Variants in NIPBL observed in about 807,000 individuals in gnomAD.
NIPBL encodes the protein nipped-B-like protein.
NIPBL carries 19 observed loss-of-function variants against 321.8 expected under a neutral mutation model. The ratio of observed to expected loss-of-function variants is 0.06; its 90% CI spans 0.04 to 0.09. The LOEUF is 0.09. NIPBL is among the 10% of genes least tolerant of loss of function. The pLI is 1.00. For synonymous variants in NIPBL, 1,106 were observed against 1,114.1 expected, an observed-to-expected ratio of 0.99 and a Z score of 0.14; for missense variants, 2,210 against 3,327.0, an observed-to-expected ratio of 0.66 and a Z score of 8.26.
Position 37,049,107 on chromosome 5 carries a change from G to A in NIPBL, c.6764-4G>A, listed in dbSNP as rs757590127. ...GTGTGTTTATCCTTTGCTTGCTTTTGTAGGGAAGAAAGTTGCAAAACAGGA... is the reference window on the plus strand; with the variant it reads ...GTGTGTTTATCCTTTGCTTGCTTTTATAGGGAAGAAAGTTGCAAAACAGGA... On this transcript the variant is annotated splice_region_variant and splice_polypyrimidine_tract_variant and intron_variant, in intron 39 of 46. Coordinates refer to ENST00000282516, the MANE Select transcript of NIPBL (RefSeq NM_133433.4). 1 of 1,613,956 alleles carries A rather than the reference G, an allele frequency of 6.2e-7. No individual in the cohort carries two copies. Among genetic ancestry groups the A allele is most frequent in the Non-Finnish European group, 8.5e-7 (1 of 1,179,882 alleles).
At position 37,017,149 on chromosome 5, in the gene NIPBL, G is replaced by A. The variant is rs886042731; in HGVS notation, c.4907G>A (p.Arg1636His). Residue 1636 changes from arginine (R) to histidine (H), a missense_variant, in exon 24 of 47, where the codon CGC becomes CAC. Physicochemically the swap from Arg to His is conservative, Grantham distance 29. Around this residue, in one of 14 missense-constraint regions of NIPBL, gnomAD observed 138 missense variants for 175.8 expected, o/e 0.79. Coordinates refer to ENST00000282516, the MANE Select transcript of NIPBL (RefSeq NM_133433.4). ...TSKMDQGSIE[R>H]ILKQVSGGED... Reference sequence around the variant, plus strand: ...AAAATGGATCAAGGATCTATAGAACGCATTTTAAAACAGGTACTAAGATAA... The same window carrying A: ...AAAATGGATCAAGGATCTATAGAACACATTTTAAAACAGGTACTAAGATAA... The A allele has an allele frequency of 1.9e-6, 3 of 1,610,412 alleles. No individual in the cohort carries two copies. The highest frequency in any genetic ancestry group is 2.5e-6 in the Non-Finnish European group (3 of 1,177,226).
intron 34 of NIPBL, among the ~76,000 whole-genome samples, 168 bp downstream of exon 34, chr5:37,038,906 A>C (rs111738369): frequency 1.5e-4 from 23 of 152,284 alleles, no homozygotes; most frequent in African/African-American, 5.5e-4. Flanking sequence ...GTCTGACATA[A>C]ATAAAGTTCA....
intron 1 of NIPBL, among the ~76,000 whole-genome samples, chr5:36,920,716 G>C (rs555528331): frequency 6.6e-6 from 1 of 151,974 alleles, no homozygotes; most frequent in African/African-American, 2.4e-5. Context: ...GTGATCACCC[G>C]CCACTAAGTA....
At chr5:36,895,354 CT>C (rs1156852823) in intron 1 of NIPBL, among the ~76,000 whole-genome samples, 2 of 152,176 alleles carry the variant, frequency 1.3e-5, no homozygotes, top group Admixed American at 1.3e-4. Context: ...CCACATTTTA[CT>C]TTTGCTTTGT....
Position 36,985,174 on chromosome 5 carries a change from A to G in NIPBL, c.1994A>G (p.Glu665Gly). ...ESRTTECKQNESTIVEPKQNE... is the reference protein window; with the variant it reads ...ESRTTECKQNGSTIVEPKQNE... ...AGAACAACTGAATGCAAACAAAACG[A>G]GAGCACCATAGTTGAGCCTAAACAA... Residue 665 changes from glutamate (E) to glycine (G), a missense_variant, in exon 10 of 47, where the codon GAG (glutamate) becomes GGG (glycine). This residue lies in a region of NIPBL where 588 missense variants were observed against 564.1 expected (regional missense o/e 1.04). Transcript: ENST00000282516. 6.2e-7 allele frequency: 1 copy of G among 1,613,968 alleles called. No individual in the cohort carries two copies. Among genetic ancestry groups the G allele is most frequent in the Non-Finnish European group, 8.5e-7 (1 of 1,179,964 alleles).
chr5:36,915,186 A>G (rs1484812208), intron 1 of NIPBL, among the ~76,000 whole-genome samples: 4 of 152,104 alleles, frequency 2.6e-5, no homozygotes, highest in African/African-American at 9.7e-5. Flanking sequence ...TTTATCTTAA[A>G]CACATTTGAA....
chr5:36,937,968 T>C (rs1441404106), intron 1 of NIPBL, among the ~76,000 whole-genome samples: 1 of 152,158 alleles, frequency 6.6e-6, no homozygotes, highest in Admixed American at 6.6e-5. Flanking sequence ...CCTGAAAACC[T>C]TGGGTTCAGC....
chr5:37,045,984 GTTAC>G (rs761810860), intron 37 of NIPBL, 121 bp from the exon 38 acceptor site: 195 of 638,046 alleles, frequency 3.1e-4, no homozygotes, highest in Middle Eastern at 1.7e-3. Flanking sequence ...AATGGAATTG[GTTAC>G]TTATTTTTTT....
chr5:36,962,521 T>A (rs1163659641), intron 6 of NIPBL, among the ~76,000 whole-genome samples: 2 of 152,204 alleles, frequency 1.3e-5, no homozygotes, highest in Non-Finnish European at 2.9e-5. Flanking sequence ...ATTATATAAC[T>A]AAGTATATTT....
intron 1 of NIPBL, among the ~76,000 whole-genome samples, chr5:36,900,299 TGTAAA>T (rs1370272392): frequency 6.6e-6 from 1 of 152,232 alleles, no homozygotes; most frequent in Non-Finnish European, 1.5e-5. Context: ...CTATTAATGA[TGTAAA>T]GTATACAGGA....
intron 1 of NIPBL, among the ~76,000 whole-genome samples, chr5:36,942,571 C>T (rs975621792): frequency 6.6e-6 from 1 of 151,332 alleles, no homozygotes; most frequent in Non-Finnish European, 1.5e-5. Context: ...GAAACCCCAT[C>T]TCTACTAAAA....
intron 36 of NIPBL, 72 bp from the exon 37 acceptor site, chr5:37,045,371 A>G (rs1429183539): frequency 1.7e-6 from 2 of 1,210,474 alleles, no homozygotes; most frequent in African/African-American, 1.6e-5. Flanking sequence ...ATTGTAATTC[A>G]TTAGTAGTAA....
intron 27 of NIPBL, 133 bp from the exon 28 acceptor site, chr5:37,021,918 T>C (rs1005903608): frequency 2.8e-6 from 2 of 725,504 alleles, no homozygotes; most frequent in African/African-American, 3.5e-5. Context: ...TTAGGAAAGA[T>C]CCTTTACTCA....
In NIPBL at chr5:37,065,640, G is replaced by C. The variant is rs997278854; in HGVS notation, c.*748G>C. The C allele has an allele frequency of 6.6e-6, 1 of 152,538 alleles. No individual in the cohort carries two copies. Among genetic ancestry groups the C allele is most frequent in the African/African-American group, 2.4e-5 (1 of 41,416 alleles). 9.4% of individuals were successfully genotyped at this position (152,538 alleles called of 1,614,324 possible). On this transcript the variant is annotated 3_prime_UTR_variant, in exon 47 of 47. Coordinates refer to ENST00000282516, the MANE Select transcript of NIPBL (RefSeq NM_133433.4). ...ACATAAAATATTGTTTATACAGTTT[G>C]TATAGGCTGACTTCTGAATAATTGG...
rs537720161 is a variant in NIPBL, at chr5:37,048,799, C to A, written c.6763+124C>A. ...GAAGAAATTCAGTTAAATAGCAGTC[C>A]TTATGCTGAGGTCTATAGCTGGGCT... On this transcript the variant is annotated intron_variant, in intron 39 of 46. Transcript: ENST00000282516. 5 of 828,604 alleles carry A rather than the reference C, an allele frequency of 6.0e-6. No homozygotes were observed. The East Asian group carries it at 1.3e-4, about 22-fold the overall frequency. The allele number at this position is 828,604 out of a possible 1,614,324, so 51.3% of individuals were successfully genotyped here. A position where few individuals can be genotyped will look rare whatever the true frequency, so the allele number is the denominator to read the frequency against.
intron 10 of NIPBL, 172 bp from the exon 11 acceptor site, chr5:36,995,450 T>C: frequency 3.4e-6 from 2 of 580,736 alleles, no homozygotes; most frequent in Non-Finnish European, 6.0e-6. Context: ...CACATACATA[T>C]ATATTAACTA....
At chr5:37,004,102 A>G (rs1747139771) in intron 16 of NIPBL, among the ~76,000 whole-genome samples, 1 of 152,180 alleles carries the variant, frequency 6.6e-6, no homozygotes, top group East Asian at 1.9e-4. Flanking sequence ...CAAAGGATTA[A>G]AGAATTAATT....
chr5:37,056,946 C>G (rs559861927), intron 42 of NIPBL, among the ~76,000 whole-genome samples: 1 of 151,524 alleles, frequency 6.6e-6, no homozygotes, highest in Admixed American at 6.6e-5. Context: ...CATTTCTGTT[C>G]CCCCTTTTCC....
chr5:36,892,233 A>G (rs1746385674), intron 1 of NIPBL, among the ~76,000 whole-genome samples: 3 of 152,202 alleles, frequency 2.0e-5, no homozygotes, highest in East Asian at 1.9e-4. Context: ...CAAAACTGCA[A>G]TAAGATACCA....
Sources: allele counts gnomAD v4.1 joint callset (sites outside exome capture counted in the v4.1 genomes callset), GRCh38; gene constraint gnomAD v4.1.1; regional missense constraint gnomAD v4.1.1; transcripts MANE v1.5; gene names NCBI Gene and HGNC (gene_info 2026-07-23, HGNC 2026-07-21).